Variants in RTL4 observed in about 807,000 individuals in gnomAD.
RTL4 encodes retrotransposon Gag-like protein 4.
RTL4 carries 4 observed loss-of-function variants against 5.3 expected under a neutral mutation model. The observed-to-expected ratio is 0.75, with a 90% confidence interval of 0.37 to 1.72. The LOEUF is 1.72. RTL4 is among the 40% of genes most tolerant of loss of function. The probability of loss-of-function intolerance (pLI) is 0.04; values close to 1 mark genes in which losing one functional copy is unlikely to be tolerated. For missense variants in RTL4, 260 were observed against 227.1 expected, an observed-to-expected ratio of 1.14 and a Z score of -0.93; for synonymous variants, 98 against 87.3, an observed-to-expected ratio of 1.12 and a Z score of -0.68.
chrX:112,234,131 G>A, the RTL4 span, among the ~76,000 whole-genome samples: 245 of 111,056 alleles, frequency 2.2e-3, 1 homozygote, highest in African/African-American at 7.5e-3. Flanking sequence ...GGCGGAAGTT[G>A]CAGTGAGCTG....
At chrX:112,280,597 T>G in the RTL4 span, among the ~76,000 whole-genome samples, 2 of 110,777 alleles carry the variant, frequency 1.8e-5, no homozygotes, top group African/African-American at 6.6e-5. Context: ...CAAGCAGTCC[T>G]CCCACCTTAG....
the RTL4 span, among the ~76,000 whole-genome samples, chrX:112,426,826 C>T: frequency 5.4e-5 from 6 of 110,682 alleles, no homozygotes; most frequent in East Asian, 2.8e-4. Context: ...TTCAGTACAA[C>T]GTTGAACAAA....
chrX:112,343,553 T>A, the RTL4 span, among the ~76,000 whole-genome samples: 6 of 112,273 alleles, frequency 5.3e-5, no homozygotes, highest in African/African-American at 1.6e-4. Flanking sequence ...TTAGTCAAAA[T>A]TAGAACTGAT....
the RTL4 span, among the ~76,000 whole-genome samples, chrX:112,232,932 T>A: frequency 9.0e-6 from 1 of 110,852 alleles, no homozygotes; most frequent in Non-Finnish European, 1.9e-5. Flanking sequence ...ATTCTCAGGA[T>A]AGGGGGATGG....
At chrX:112,296,281 T>A in the RTL4 span, among the ~76,000 whole-genome samples, 14 of 112,077 alleles carry the variant, frequency 1.2e-4, no homozygotes, top group Admixed American at 1.3e-3. Context: ...TTCTTACTGT[T>A]GGCCCATTTC....
At chrX:112,352,253 G>T in the RTL4 span, among the ~76,000 whole-genome samples, 22,952 of 110,207 alleles carry the variant, frequency 0.21, 1,850 homozygotes, top group Admixed American at 0.32. Flanking sequence ...AGTCTGATGG[G>T]CTTCCCTTTG....
the RTL4 span, among the ~76,000 whole-genome samples, chrX:112,173,863 T>C: frequency 9.0e-6 from 1 of 111,021 alleles, no homozygotes. Context: ...ACAGACTGGG[T>C]TTAACGTCTT....
chrX:112,114,356 T>C, the RTL4 span, among the ~76,000 whole-genome samples: 3 of 111,750 alleles, frequency 2.7e-5, no homozygotes. Context: ...CATTCTATCA[T>C]TTACTTGACT....
the RTL4 span, among the ~76,000 whole-genome samples, chrX:112,131,889 C>T: frequency 9.0e-6 from 1 of 111,341 alleles, no homozygotes; most frequent in Non-Finnish European, 1.9e-5. Flanking sequence ...AATACAAATC[C>T]CTACTATTAT....
the RTL4 span, among the ~76,000 whole-genome samples, chrX:112,417,320 C>G: frequency 8.9e-6 from 1 of 111,977 alleles, no homozygotes; most frequent in East Asian, 2.8e-4. Context: ...ATACTCAAAT[C>G]AAAGCCCTAA....
At chrX:112,186,798 A>C in the RTL4 span, among the ~76,000 whole-genome samples, 1 of 111,912 alleles carries the variant, frequency 8.9e-6, no homozygotes, top group East Asian at 2.8e-4. Flanking sequence ...GCCTTTACTG[A>C]ATATTTTCCA....
the RTL4 span, chrX:112,381,308 T>C: frequency 1.7e-6 from 2 of 1,208,979 alleles, no homozygotes; most frequent in Non-Finnish European, 2.2e-6. Context: ...CCTTCCACCG[T>C]ATCATAGTCT....
chrX:112,396,841 G>T, the RTL4 span, among the ~76,000 whole-genome samples: 114 of 111,123 alleles, frequency 1.0e-3, no homozygotes, highest in African/African-American at 3.5e-3. Flanking sequence ...TCAGACTTCT[G>T]GTTTTTGATG....
At chrX:112,088,474 C>T in the RTL4 span, among the ~76,000 whole-genome samples, 83 of 111,832 alleles carry the variant, frequency 7.4e-4, 1 homozygote, top group African/African-American at 2.3e-3. Flanking sequence ...TTGGACATTT[C>T]GCTTGTTTCC....
the RTL4 span, among the ~76,000 whole-genome samples, chrX:112,353,310 C>A: frequency 4.5e-5 from 5 of 110,960 alleles, no homozygotes. Context: ...AAATACCGTT[C>A]GACCCAGCCA....
the RTL4 span, among the ~76,000 whole-genome samples, chrX:112,237,220 A>T: frequency 2.7e-5 from 3 of 112,125 alleles, no homozygotes; most frequent in African/African-American, 9.7e-5. Context: ...ATTTTATTTT[A>T]GGGGCAACAA....
chrX:112,105,915 T>C, the RTL4 span, among the ~76,000 whole-genome samples: 2 of 111,722 alleles, frequency 1.8e-5, no homozygotes, highest in Non-Finnish European at 3.8e-5. Context: ...TCCAGTTTTA[T>C]GTTGAATGGA....
At chrX:112,201,799 C>T in the RTL4 span, among the ~76,000 whole-genome samples, 6 of 111,516 alleles carry the variant, frequency 5.4e-5, no homozygotes, top group Non-Finnish European at 9.4e-5. Context: ...ATTGAAGCTA[C>T]GTGCTGTTGT....
chrX:112,187,521 C>T, the RTL4 span, among the ~76,000 whole-genome samples: 15 of 111,726 alleles, frequency 1.3e-4, no homozygotes, highest in East Asian at 3.7e-3. Flanking sequence ...GATAAGCCTT[C>T]ATTCTAGGGA....
Sources: allele counts gnomAD v4.1 joint callset (sites outside exome capture counted in the v4.1 genomes callset), GRCh38; gene constraint gnomAD v4.1.1; transcripts MANE v1.5; gene names NCBI Gene and HGNC (gene_info 2026-07-23, HGNC 2026-07-21).